Variants in XRRA1 observed in about 807,000 individuals in gnomAD.
The protein encoded by XRRA1 is X-ray radiation resistance-associated protein 1.
Under a neutral mutation model 80.2 loss-of-function variants are expected in XRRA1, and 69 were observed. The ratio of observed to expected loss-of-function variants is 0.86; its 90% CI spans 0.71 to 1.05. XRRA1 has a LOEUF of 1.05. Ranked by LOEUF, XRRA1 falls within the 50% of genes least tolerant of loss-of-function variation. The pLI, the probability that XRRA1 is intolerant of heterozygous loss-of-function variation, is 0.00. For missense variants in XRRA1, 967 were observed against 976.4 expected, an observed-to-expected ratio of 0.99 and a Z score of 0.13; for synonymous variants, 348 against 389.9, an observed-to-expected ratio of 0.89 and a Z score of 1.27.
chr11:74,919,172 AAG>A (rs1404989524), intron 8 of XRRA1: 1 of 152,392 alleles, frequency 6.6e-6, no homozygotes, highest in Non-Finnish European at 1.5e-5. Context: ...TATGATTTTT[AAG>A]AGTGCTTACC....
intron 8 of XRRA1, chr11:74,918,937 A>G (rs1039247718): frequency 6.6e-6 from 1 of 152,312 alleles, no homozygotes; most frequent in Non-Finnish European, 1.5e-5. Flanking sequence ...CAGCAGGTCT[A>G]CAATTACAGT....
At chr11:74,860,824 A>G (rs1259489120) in intron 11 of XRRA1, among the ~76,000 whole-genome samples, 1 of 152,228 alleles carries the variant, frequency 6.6e-6, no homozygotes, top group African/African-American at 2.4e-5. Flanking sequence ...CTGAGCTTCT[A>G]AAACTCTTGG....
intron 10 of XRRA1, among the ~76,000 whole-genome samples, chr11:74,864,640 T>G (rs190249051): frequency 1.8e-4 from 28 of 152,250 alleles, no homozygotes; most frequent in African/African-American, 6.7e-4. Flanking sequence ...ACCAAAACCA[T>G]CTGCAGAGAG....
intron 8 of XRRA1, among the ~76,000 whole-genome samples, chr11:74,917,988 AG>A (rs1435956216): frequency 5.9e-5 from 9 of 151,380 alleles, no homozygotes; most frequent in African/African-American, 2.2e-4. Flanking sequence ...AAAAAAAAAA[AG>A]TATCTCTGGG....
intron 10 of XRRA1, among the ~76,000 whole-genome samples, chr11:74,874,628 T>C (rs2045653140): frequency 6.6e-6 from 1 of 152,246 alleles, no homozygotes; most frequent in Non-Finnish European, 1.5e-5. Flanking sequence ...TGCTGTCCTC[T>C]AAGGGATGCC....
At chr11:74,941,590 C>G (rs895476565) in intron 2 of XRRA1, among the ~76,000 whole-genome samples, 3 of 152,080 alleles carry the variant, frequency 2.0e-5, no homozygotes, top group Admixed American at 2.0e-4. Flanking sequence ...GCTTGAGGTA[C>G]CAGGCTAGGA....
chr11:74,912,555 C>T (rs988411654), intron 8 of XRRA1, among the ~76,000 whole-genome samples: 12 of 152,116 alleles, frequency 7.9e-5, no homozygotes, highest in Non-Finnish European at 1.3e-4. Context: ...CCTCGGAGGA[C>T]GTATACACTA....
intron 9 of XRRA1, 133 bp downstream of exon 9, chr11:74,907,012 A>G (rs999995699): frequency 1.0e-5 from 13 of 1,263,608 alleles, no homozygotes; most frequent in Non-Finnish European, 1.4e-5. Context: ...TGACTTACCC[A>G]TGGCCACACA....
At chr11:74,928,889 A>G (rs1942875801) in intron 6 of XRRA1, among the ~76,000 whole-genome samples, 2 of 152,306 alleles carry the variant, frequency 1.3e-5, no homozygotes, top group African/African-American at 4.8e-5. Flanking sequence ...ATACTTCCAC[A>G]GTTCAATGCA....
At position 74,939,295 on chromosome 11, in the gene XRRA1, T is replaced by G. The variant is rs960489871; in HGVS notation, c.94+1490A>C. Among the ~76,000 whole-genome samples the G allele has an allele frequency of 3.3e-5, 5 of 152,186 alleles. No homozygotes were observed. In the East Asian group the frequency reaches 5.8e-4, roughly 18 times the overall value. On this transcript the variant is annotated intron_variant, in intron 3 of 18. Transcript: ENST00000684022. ...TGAACCTGGGAGGTGAAGGTTGCAG[T>G]GAGCCAAGATTGCACTGCTGCACTC...
intron 4 of XRRA1, among the ~76,000 whole-genome samples, chr11:74,935,144 G>A (rs1944631509): frequency 6.6e-6 from 1 of 152,196 alleles, no homozygotes. Context: ...TGGAGTTGAG[G>A]AGGGGGACCG....
intron 2 of XRRA1, 91 bp from the exon 3 acceptor site, chr11:74,940,973 G>T: frequency 3.2e-6 from 3 of 930,560 alleles, no homozygotes; most frequent in South Asian, 1.4e-5. Flanking sequence ...AGCCCACCAG[G>T]ACCACCACAC....
chr11:74,948,417 A>T (rs1485289203), intron 1 of XRRA1, among the ~76,000 whole-genome samples: 1 of 151,284 alleles, frequency 6.6e-6, no homozygotes, highest in Admixed American at 6.6e-5. Flanking sequence ...GTAGTCCACC[A>T]GAGTAGCAAC....
In XRRA1 at chr11:74,905,675, T is replaced by C. The variant is rs1591285601; in HGVS notation, c.1003+564A>G. Reference sequence around the variant, plus strand: ...AGCAGTAGCTGAATCTAGTTTGCAGTTTTTCCAACTTTTATAAACTAGCTT... The same window carrying C: ...AGCAGTAGCTGAATCTAGTTTGCAGCTTTTCCAACTTTTATAAACTAGCTT... On this transcript the variant is annotated intron_variant, in intron 10 of 18. Transcript: ENST00000684022. 2.6e-5 allele frequency among the ~76,000 whole-genome samples: 4 copies of C among 152,266 alleles called. No individual in the cohort carries two copies. The East Asian group carries it at 7.7e-4, about 29-fold the overall frequency.
At chr11:74,858,976 C>T (rs572005591) in intron 12 of XRRA1, among the ~76,000 whole-genome samples, 182 bp downstream of exon 12, 15 of 152,188 alleles carry the variant, frequency 9.9e-5, no homozygotes, top group Non-Finnish European at 1.8e-4. Flanking sequence ...ATATCTGTGA[C>T]TGAAGAGATG....
intron 8 of XRRA1, among the ~76,000 whole-genome samples, chr11:74,919,338 G>T (rs1437139949): frequency 6.6e-6 from 1 of 152,214 alleles, no homozygotes; most frequent in Non-Finnish European, 1.5e-5. Context: ...ATTGTCAGGT[G>T]ATAATTGTTG....
rs200857751 is a variant in XRRA1 at position 74,843,427 on chromosome 11, G to A, written c.2176C>T (p.Arg726Trp). ...TACTGCTTGTGGTTCACCAGCCGCCGTTCTGTCCACTGGTGCAGGACAGCA... is the reference window on the plus strand; with the variant it reads ...TACTGCTTGTGGTTCACCAGCCGCCATTCTGTCCACTGGTGCAGGACAGCA... The part of the protein sequence containing the change: ...LGAVLHQWTE[R>W]RLVNHKQYLE... The change falls in exon 19 of 19, where the codon CGG (arginine) becomes TGG (tryptophan). Residue 726 changes from arginine (R) to tryptophan (W), a missense_variant. By Grantham distance (101) the Arg-to-Trp change is moderately radical. Coordinates refer to ENST00000684022, the MANE Select transcript of XRRA1 (RefSeq NM_001378157.1). 3.4e-4 allele frequency: 541 copies of A among 1,612,648 alleles called. No homozygotes were observed. In the African/African-American group the frequency reaches 6.4e-3, roughly 19 times the overall value.
At chr11:74,918,324 G>GTGTGTGCA (rs1327601688) in intron 8 of XRRA1, among the ~76,000 whole-genome samples, 1 of 151,122 alleles carries the variant, frequency 6.6e-6, no homozygotes, top group East Asian at 1.9e-4. Context: ...GTGTGTGTGT[G>GTGTGTGCA]TGCACTCGCA....
At chr11:74,860,406 A>AT (rs1463681944) in intron 11 of XRRA1, among the ~76,000 whole-genome samples, 4 of 152,230 alleles carry the variant, frequency 2.6e-5, no homozygotes, top group Non-Finnish European at 5.9e-5. Context: ...GGGGTAAGTC[A>AT]TACTGCAGTA....
Sources: allele counts gnomAD v4.1 joint callset (sites outside exome capture counted in the v4.1 genomes callset), GRCh38; gene constraint gnomAD v4.1.1; transcripts MANE v1.5; gene names NCBI Gene and HGNC (gene_info 2026-07-23, HGNC 2026-07-21).